ACMSD: variants seen among roughly 807,000 people sequenced by gnomAD.
ACMSD encodes aminocarboxymuconate semialdehyde decarboxylase.
In ACMSD, 37 loss-of-function variants were observed where a neutral mutation model predicts 45.9. That is an observed-to-expected ratio of 0.81 (90% CI 0.62 to 1.06). ACMSD has a LOEUF of 1.06. Ranked by LOEUF, ACMSD falls within the 50% of genes least tolerant of loss-of-function variation. ACMSD has a pLI of 0.00. For synonymous variants in ACMSD, 138 were observed against 148.8 expected (o/e 0.93, Z 0.53); for missense variants, 434 against 420.9 (o/e 1.03, Z -0.27).
rs1164987110 is a variant in ACMSD, at chr2:134,845,275, A to C, written c.100A>C (p.Lys34Gln). The part of the protein sequence containing the change: ...GGWVQLQHHS[K>Q]GEAKLLKDGK... The stretch of plus-strand genomic sequence containing the variant: ...CTGGGTGCAGCTCCAACACCACAGC[A>C]AGGTGAGTTTCTTCCAAAGTATGAA... Residue 34 changes from lysine to glutamine, a missense_variant and splice_region_variant, in exon 2 of 10, where the codon AAG becomes CAG. Physicochemically the swap from Lys to Gln is moderately conservative, Grantham distance 53. Coordinates refer to ENST00000356140, the MANE Select transcript of ACMSD (RefSeq NM_138326.3). 1.7e-5 allele frequency: 27 copies of C among 1,614,090 alleles called. No individual in the cohort carries two copies. The highest frequency in any genetic ancestry group is 2.3e-5 in the Non-Finnish European group (27 of 1,179,988).
intron 2 of ACMSD, among the ~76,000 whole-genome samples, chr2:134,856,629 T>C (rs1383336291): frequency 6.6e-6 from 1 of 152,242 alleles, no homozygotes; most frequent in East Asian, 1.9e-4. Flanking sequence ...GTATATCTAT[T>C]CTGAGAAATG....
chr2:134,900,328 G>A (rs933260221), intron 9 of ACMSD, among the ~76,000 whole-genome samples: 9 of 152,080 alleles, frequency 5.9e-5, no homozygotes, highest in African/African-American at 2.2e-4. Flanking sequence ...TCATCCCTTT[G>A]CCCAGGGTCT....
chr2:134,875,949 T>C (rs1688711792), intron 8 of ACMSD, among the ~76,000 whole-genome samples: 1 of 152,256 alleles, frequency 6.6e-6, no homozygotes, highest in South Asian at 2.1e-4. Context: ...GTATATAGCC[T>C]GATGCTCCTA....
At chr2:134,894,356 C>T (rs374698542) in intron 8 of ACMSD, among the ~76,000 whole-genome samples, 1 of 151,940 alleles carries the variant, frequency 6.6e-6, no homozygotes, top group Non-Finnish European at 1.5e-5. Flanking sequence ...AACTATATGA[C>T]AACAAATGAA....
At chr2:134,898,948 C>T (rs2104973887) in intron 9 of ACMSD, among the ~76,000 whole-genome samples, 1 of 152,066 alleles carries the variant, frequency 6.6e-6, no homozygotes, top group South Asian at 2.1e-4. Context: ...CCTAGTCTAC[C>T]CCTTAGACTC....
At chr2:134,844,752 CGGG>C (rs1166137257) in intron 1 of ACMSD, among the ~76,000 whole-genome samples, 1 of 152,072 alleles carries the variant, frequency 6.6e-6, no homozygotes, top group Non-Finnish European at 1.5e-5. Flanking sequence ...GGGATATGAG[CGGG>C]ACACCAACAG....
chr2:134,890,312 C>T (rs550717254), intron 8 of ACMSD, among the ~76,000 whole-genome samples: 57 of 152,070 alleles, frequency 3.7e-4, no homozygotes, highest in Admixed American at 1.5e-3. Context: ...TACACAATCA[C>T]GAGGAAACAT....
intron 8 of ACMSD, among the ~76,000 whole-genome samples, chr2:134,885,202 T>C (rs1172746221): frequency 7.6e-6 from 1 of 131,410 alleles, no homozygotes; most frequent in Non-Finnish European, 1.5e-5. Context: ...TCTCAAAAAA[T>C]ATATACATAT....
intron 2 of ACMSD, among the ~76,000 whole-genome samples, chr2:134,851,099 G>A (rs1405217981): frequency 6.6e-6 from 1 of 152,178 alleles, no homozygotes; most frequent in Non-Finnish European, 1.5e-5. Flanking sequence ...GCCTCCAGGT[G>A]CATCTGTGTT....
chr2:134,851,169 GAAT>G (rs1687324984), intron 2 of ACMSD, among the ~76,000 whole-genome samples: 1 of 152,136 alleles, frequency 6.6e-6, no homozygotes, highest in Non-Finnish European at 1.5e-5. Context: ...GGTGTATATG[GAAT>G]ATCCATGGAA....
chr2:134,857,499 T>C (rs1449265248), intron 2 of ACMSD, among the ~76,000 whole-genome samples: 2 of 152,122 alleles, frequency 1.3e-5, no homozygotes, highest in Non-Finnish European at 2.9e-5. Context: ...ATTGTTAACA[T>C]ACAGAAATGC....
At chr2:134,886,698 A>G (rs1306382779) in intron 8 of ACMSD, among the ~76,000 whole-genome samples, 1 of 152,326 alleles carries the variant, frequency 6.6e-6, no homozygotes, top group Non-Finnish European at 1.5e-5. Flanking sequence ...AGAGGCAAAC[A>G]TGTCCACCCT....
intron 8 of ACMSD, among the ~76,000 whole-genome samples, chr2:134,882,357 G>A (rs1689086545): frequency 6.6e-6 from 1 of 152,164 alleles, no homozygotes; most frequent in Non-Finnish European, 1.5e-5. Flanking sequence ...GTTAGGTGGT[G>A]ACCAAATATC....
intron 2 of ACMSD, among the ~76,000 whole-genome samples, chr2:134,851,428 C>T (rs1687339219): frequency 6.6e-6 from 1 of 152,064 alleles, no homozygotes; most frequent in Non-Finnish European, 1.5e-5. Context: ...TACATTCCTA[C>T]CAACAGTGTA....
chr2:134,893,137 A>G (rs879904618), intron 8 of ACMSD, among the ~76,000 whole-genome samples: 7 of 151,830 alleles, frequency 4.6e-5, no homozygotes, highest in Non-Finnish European at 7.4e-5. Context: ...TCCAGTCCTT[A>G]TCTTTGTCTT....
In ACMSD at chr2:134,858,063, G is replaced by A. The variant is rs139292250; in HGVS notation, c.103-1198G>A. Among the ~76,000 whole-genome samples, 391 of 152,086 alleles carry A rather than the reference G, an allele frequency of 2.6e-3. 1 individual carries two copies. Among genetic ancestry groups the A allele is most frequent in the African/African-American group, 9.0e-3 (375 of 41,500 alleles). On this transcript the variant is annotated intron_variant, in intron 2 of 9. Transcript: ENST00000356140. ...GCAGAGGAAATGAAACCAGTATGTT[G>A]AAGAAATATCTGCATTCCCATGTTC...
rs574746796 is a variant in ACMSD at position 134,881,063 on chromosome 2, G to T, written c.849+8422G>T. Among the ~76,000 whole-genome samples the T allele has an allele frequency of 3.3e-5, 5 of 152,322 alleles. No homozygotes were observed. In the East Asian group the frequency reaches 9.7e-4, roughly 29 times the overall value. On this transcript the variant is annotated intron_variant, in intron 8 of 9. Transcript: ENST00000356140. The stretch of plus-strand genomic sequence containing the variant: ...CACCCAGGCTGGAGTGCAGTGGCAT[G>T]ATCTCAGCTCACCGCATCCTCTGCC...
intron 4 of ACMSD, 62 bp downstream of exon 4, chr2:134,862,080 G>A (rs1422818759): frequency 2.5e-6 from 4 of 1,582,072 alleles, no homozygotes; most frequent in Non-Finnish European, 2.6e-6. Flanking sequence ...CTCCCAAAAA[G>A]TGAACAGATG....
At chr2:134,871,674 AACAG>A (rs990047401) in intron 7 of ACMSD, among the ~76,000 whole-genome samples, 47 of 142,412 alleles carry the variant, frequency 3.3e-4, no homozygotes, top group South Asian at 9.0e-4. Context: ...GTGACCCTTC[AACAG>A]ACAGACACAC....
Sources: allele counts gnomAD v4.1 joint callset (sites outside exome capture counted in the v4.1 genomes callset), GRCh38; gene constraint gnomAD v4.1.1; transcripts MANE v1.5; gene names NCBI Gene and HGNC (gene_info 2026-07-23, HGNC 2026-07-21).